The following RPL18A variants were observed in gnomAD, a reference collection of about 807,000 sequenced individuals.
The protein encoded by RPL18A is large ribosomal subunit protein eL20.
For synonymous variants in RPL18A, 122 were observed against 96.9 expected (o/e 1.26, Z -1.52); for missense variants, 163 against 254.1 (o/e 0.64, Z 2.44).
chr19:17,860,264 C>T (rs550967570), intron 1 of RPL18A: 119 of 413,244 alleles, frequency 2.9e-4, no homozygotes, highest in African/African-American at 2.3e-3. Flanking sequence ...GCCCCGGCAC[C>T]TCGTCGAGCC....
chr19:17,860,821 C>T (rs1043599106), intron 1 of RPL18A: 5 of 166,718 alleles, frequency 3.0e-5, no homozygotes, highest in African/African-American at 1.2e-4. Flanking sequence ...TGCAGGGATC[C>T]CAGGGCTGGG....
intron 2 of RPL18A, 29 bp downstream of exon 2, chr19:17,861,501 C>G: frequency 6.5e-7 from 1 of 1,537,654 alleles, no homozygotes; most frequent in Non-Finnish European, 8.8e-7. Flanking sequence ...TACGTGGGGT[C>G]TGGAGTGGAT....
At chr19:17,860,349 G>A (rs2147714789) in intron 1 of RPL18A, 1 of 286,518 alleles carries the variant, frequency 3.5e-6, no homozygotes, top group Admixed American at 5.6e-5. Flanking sequence ...CTGCCGGAAT[G>A]GCTGTGAGAA....
rs2094276854 is a variant in RPL18A, at chr19:17,861,308, G to A, written c.34G>A (p.Val12Ile). ...TTCCTTTCAGCTACGAGAGTACAAG[G>A]TAGTGGGTCGCTGCCTGCCCACCCC... is the stretch of plus-strand genomic sequence containing the variant. Reference protein sequence around the residue: ...KASGTLREYKVVGRCLPTPKC... With the variant: ...KASGTLREYKIVGRCLPTPKC... The change falls in exon 2 of 5, where the codon GTA becomes ATA. Residue 12 changes from valine to isoleucine, a missense_variant. Coordinates refer to ENST00000222247, the MANE Select transcript of RPL18A (RefSeq NM_000980.4). 9 of 1,613,834 alleles carry A rather than the reference G, an allele frequency of 5.6e-6. No individual in the cohort carries two copies. The highest frequency in any genetic ancestry group is 7.6e-6 in the Non-Finnish European group (9 of 1,179,836).
rs949984911 is a variant in RPL18A at position 17,862,785 on chromosome 19, C to T, written c.329-133C>T. 29 of 764,994 alleles carry T rather than the reference C, an allele frequency of 3.8e-5. 1 individual carries two copies. Among genetic ancestry groups the T allele is most frequent in the Middle Eastern group, 2.3e-4 (1 of 4,430 alleles). The allele number at this position is 764,994 out of a possible 1,614,324, so 47.4% of individuals were successfully genotyped here. On this transcript the variant is annotated intron_variant, in intron 3 of 4. Coordinates refer to ENST00000222247, the MANE Select transcript of RPL18A (RefSeq NM_000980.4). ...TCTCGCTTCCCCACCACCACCTTCC[C>T]GTGAGCCCCGAGCCCTCAGGCAGTT...
At chr19:17,860,972 A>T (rs1187513827) in intron 1 of RPL18A, 1 of 356,328 alleles carries the variant, frequency 2.8e-6, no homozygotes, top group South Asian at 3.8e-5. Context: ...CTGCAAAGCA[A>T]TTCAGGACTG....
chr19:17,863,257 C>T lies in RPL18A; in HGVS notation c.525C>T (p.Phe175=), dbSNP rs2094281062. Residue 175 remains phenylalanine, a synonymous_variant, in exon 5 of 5, where the codon TTC becomes TTT. Transcript: ENST00000222247. ...PRFTTKRPNT[F]F ...TCACCACCAAGAGGCCCAACACCTTCTTCTAGGTGCAGGGCCCTCGTCCGG... is the reference window on the plus strand; with the variant it reads ...TCACCACCAAGAGGCCCAACACCTTTTTCTAGGTGCAGGGCCCTCGTCCGG... The T allele has an allele frequency of 1.3e-6, 2 of 1,573,106 alleles. No homozygotes were observed. The highest frequency in any genetic ancestry group is 1.4e-5 in the African/African-American group (1 of 74,054).
At position 17,863,301 on chromosome 19, in the gene RPL18A, C is replaced by G. The variant is rs778751529; in HGVS notation, c.*38C>G. The G allele has an allele frequency of 1.5e-6, 2 of 1,341,174 alleles. No individual in the cohort carries two copies. Among genetic ancestry groups the G allele is most frequent in the African/African-American group, 1.4e-5 (1 of 69,238 alleles). 83.1% of individuals were successfully genotyped at this position (1,341,174 alleles called of 1,614,324 possible). Reference sequence around the variant, plus strand: ...CGTCCGGGTGTGCCCCAAATAAACTCAGGAACGCCCCGGTGCTCGCCGCAT... The same window carrying G: ...CGTCCGGGTGTGCCCCAAATAAACTGAGGAACGCCCCGGTGCTCGCCGCAT... On this transcript the variant is annotated 3_prime_UTR_variant, in exon 5 of 5. Transcript: ENST00000222247.
chr19:17,861,894 T>G, intron 2 of RPL18A, 200 bp from the exon 3 acceptor site: 1 of 615,666 alleles, frequency 1.6e-6, no homozygotes. Flanking sequence ...TTCAGGCTGT[T>G]GCCATGGGAA....
In RPL18A at chr19:17,861,442, G is replaced by A; in HGVS notation, c.168G>A (p.Lys56=). ...TATCTCAGTTAAAGAAGATGAAGAA[G>A]TCTTCAGGGGAGATTGTCTACTGTG... ...YFVSQLKKMK[K]SSGEIVYCGQ... is the part of the protein sequence containing the mutation. The change falls in exon 2 of 5, where the codon AAG becomes AAA. Residue 56 remains lysine (K), a synonymous_variant. Transcript: ENST00000222247. 2.5e-6 allele frequency: 4 copies of A among 1,599,568 alleles called. No homozygotes were observed. The highest frequency in any genetic ancestry group is 3.4e-6 in the Non-Finnish European group (4 of 1,170,700).
In RPL18A at chr19:17,862,902, C is replaced by T. The variant is rs777344231; in HGVS notation, c.329-16C>T. ...CCCAGGCAACACCGTCACCCTGGCC[C>T]CGCTCCTTTCCACAGACCGAGACAT... On this transcript the variant is annotated splice_polypyrimidine_tract_variant and intron_variant, in intron 3 of 4. Transcript: ENST00000222247. 3.2e-6 allele frequency: 5 copies of T among 1,585,632 alleles called. No individual in the cohort carries two copies. The highest frequency in any genetic ancestry group is 4.3e-6 in the Non-Finnish European group (5 of 1,155,548).
At chr19:17,860,240 G>A (rs1477113839) in intron 1 of RPL18A, 1 of 478,330 alleles carries the variant, frequency 2.1e-6, no homozygotes, top group Admixed American at 4.4e-5. Context: ...AAGTCGCGCA[G>A]CATAGAGGCC....
chr19:17,861,131 G>A, intron 1 of RPL18A, 162 bp from the exon 2 acceptor site: 1 of 619,712 alleles, frequency 1.6e-6, no homozygotes, highest in Admixed American at 2.8e-5. Flanking sequence ...GTTGTGGTCG[G>A]GAGTGTGACC....
chr19:17,862,757 C>T lies in RPL18A; in HGVS notation c.329-161C>T, dbSNP rs1274717620. ...TGACTGCAGGGACCCAGGCCTTGGG[C>T]TATCTCGCTTCCCCACCACCACCTT... is the stretch of plus-strand genomic sequence containing the variant. On this transcript the variant is annotated intron_variant, in intron 3 of 4. Transcript: ENST00000222247. The T allele has an allele frequency of 3.9e-6, 3 of 759,786 alleles. No individual in the cohort carries two copies. In the East Asian group the frequency reaches 7.3e-5, roughly 19 times the overall value. 47.1% of individuals were successfully genotyped at this position (759,786 alleles called of 1,614,324 possible). A position where few individuals can be genotyped will look rare whatever the true frequency, so the allele number is the denominator to read the frequency against.
intron 3 of RPL18A, 154 bp downstream of exon 3, chr19:17,862,377 C>CTT: frequency 1.1e-6 from 1 of 910,004 alleles, no homozygotes; most frequent in Non-Finnish European, 1.7e-6. Flanking sequence ...CCAGATGGCG[C>CTT]TTTTCTGAGA....
Position 17,863,087 on chromosome 19 carries a change from G to C in RPL18A, c.438+60G>C, listed in dbSNP as rs570536399. The C allele has an allele frequency of 1.4e-5, 21 of 1,548,180 alleles. No homozygotes were observed. In the African/African-American group the frequency reaches 2.6e-4, roughly 19 times the overall value. On this transcript the variant is annotated intron_variant, in intron 4 of 4. Transcript: ENST00000222247. ...GCCTGCTCTGACGCAGGAGCCCAGT[G>C]GGGGGCGGCTACACCTTGGTGGCCC...
At chr19:17,860,081 G>GC (rs1242046836) in intron 1 of RPL18A, 107 bp downstream of exon 1, 11 of 994,558 alleles carry the variant, frequency 1.1e-5, no homozygotes, top group South Asian at 1.9e-5. Flanking sequence ...TTCTGTTTGG[G>GC]CCCCCCTTGG....
chr19:17,859,917 A>G lies in RPL18A; in HGVS notation c.-40A>G, dbSNP rs1271658670. The G allele has an allele frequency of 5.2e-6, 8 of 1,542,916 alleles. No homozygotes were observed. Among genetic ancestry groups the G allele is most frequent in the South Asian group, 2.4e-5 (2 of 83,400 alleles). Reference sequence around the variant, plus strand: ...GGTGAACGGCTGCGCGACAGAGGACACTTCCTTTTGCGGGTGGCGGCGAAC... The same window carrying G: ...GGTGAACGGCTGCGCGACAGAGGACGCTTCCTTTTGCGGGTGGCGGCGAAC... On this transcript the variant is annotated 5_prime_UTR_variant, in exon 1 of 5. Transcript: ENST00000222247.
At position 17,862,115 on chromosome 19, in the gene RPL18A, C is replaced by G; in HGVS notation, c.220C>G (p.Arg74Gly). The change falls in exon 3 of 5, where the codon CGG becomes GGG. Residue 74 changes from arginine (R) to glycine (G), a missense_variant. By Grantham distance (125) the Arg-to-Gly change is moderately radical. Coordinates refer to ENST00000222247, the MANE Select transcript of RPL18A (RefSeq NM_000980.4). Reference sequence around the variant, plus strand: ...GCAGGTGTTTGAGAAGTCCCCCCTGCGGGTGAAGAACTTCGGGATCTGGCT... The same window carrying G: ...GCAGGTGTTTGAGAAGTCCCCCCTGGGGGTGAAGAACTTCGGGATCTGGCT... Reference protein sequence around the residue: ...CGQVFEKSPLRVKNFGIWLRY... With the variant: ...CGQVFEKSPLGVKNFGIWLRY... 6.2e-7 allele frequency: 1 copy of G among 1,612,070 alleles called. No individual in the cohort carries two copies. Among genetic ancestry groups the G allele is most frequent in the South Asian group, 1.1e-5 (1 of 90,998 alleles).
Sources: gnomAD v4.1 joint callset for allele counts on GRCh38, gnomAD v4.1.1 for gene constraint, MANE v1.5 for transcripts, NCBI Gene and HGNC (gene_info 2026-07-23, HGNC 2026-07-21) for gene names.